The following PRR16 variants were observed in gnomAD, a reference collection of about 807,000 sequenced individuals.
PRR16 encodes the protein proline rich 16, also known as protein Largen.
Under a neutral mutation model 18.2 loss-of-function variants are expected in PRR16, and 6 were observed. That is an observed-to-expected ratio of 0.33 (90% CI 0.18 to 0.65). The LOEUF (loss-of-function observed/expected upper bound fraction) is 0.65. Among genes scored for constraint, PRR16 ranks in the 30% least tolerant of loss-of-function variants. The pLI is 0.74. For synonymous variants in PRR16, 151 were observed against 147.8 expected, an observed-to-expected ratio of 1.02 and a Z score of -0.16; for missense variants, 412 against 376.6, an observed-to-expected ratio of 1.09 and a Z score of -0.78.
At chr5:120,604,192 C>T (rs1402279460) in intron 1 of PRR16, among the ~76,000 whole-genome samples, 1 of 151,712 alleles carries the variant, frequency 6.6e-6, no homozygotes. Flanking sequence ...TTATCTAATT[C>T]TCTGTAGGTC....
At chr5:120,702,133 G>A in the PRR16 span, among the ~76,000 whole-genome samples, 1 of 151,874 alleles carries the variant, frequency 6.6e-6, no homozygotes, top group Non-Finnish European at 1.5e-5. Flanking sequence ...GGGGTTCAGG[G>A]GTTCTTACCT....
intron 1 of PRR16, among the ~76,000 whole-genome samples, chr5:120,541,328 T>C (rs1751907128): frequency 1.3e-5 from 2 of 152,190 alleles, no homozygotes. Flanking sequence ...GTATTTTTAG[T>C]TGAGATGTGG....
the PRR16 span, among the ~76,000 whole-genome samples, chr5:120,702,340 G>A: frequency 1.4e-4 from 22 of 151,954 alleles, no homozygotes; most frequent in East Asian, 7.8e-4. Context: ...GGATTGGGGC[G>A]CAGAGATACG....
chr5:120,497,129 T>G (rs1482188806), intron 1 of PRR16, among the ~76,000 whole-genome samples: 1 of 152,076 alleles, frequency 6.6e-6, no homozygotes, highest in African/African-American at 2.4e-5. Context: ...CAGAATATGG[T>G]CTATTTTTGT....
chr5:120,499,722 C>T (rs139618311), intron 1 of PRR16, among the ~76,000 whole-genome samples: 1 of 151,048 alleles, frequency 6.6e-6, no homozygotes, highest in African/African-American at 2.4e-5. Context: ...TGCTTTAAAA[C>T]CTTTGACACC....
intron 1 of PRR16, among the ~76,000 whole-genome samples, chr5:120,504,887 G>A (rs1750589309): frequency 6.6e-6 from 1 of 152,100 alleles, no homozygotes; most frequent in African/African-American, 2.4e-5. Context: ...AGATCTGTAG[G>A]CAAAGAAATG....
chr5:120,754,732 G>A, the PRR16 span, among the ~76,000 whole-genome samples: 1 of 145,818 alleles, frequency 6.9e-6, no homozygotes, highest in African/African-American at 2.5e-5. Flanking sequence ...GTAAAAAGTT[G>A]TCTTCCTCAG....
At chr5:120,551,942 G>T (rs1752266979) in intron 1 of PRR16, among the ~76,000 whole-genome samples, 2 of 151,898 alleles carry the variant, frequency 1.3e-5, no homozygotes, top group Admixed American at 1.3e-4. Flanking sequence ...AGGATATACA[G>T]AGCATCTCAT....
chr5:120,664,511 G>A (rs931707374), intron 1 of PRR16, among the ~76,000 whole-genome samples: 3 of 151,364 alleles, frequency 2.0e-5, no homozygotes, highest in Non-Finnish European at 4.4e-5. Flanking sequence ...CAATGTGCAG[G>A]TTAGTTACAT....
chr5:120,505,932 G>GTA (rs60625271), intron 1 of PRR16, among the ~76,000 whole-genome samples: 7 of 139,218 alleles, frequency 5.0e-5, no homozygotes, highest in Non-Finnish European at 9.4e-5. Flanking sequence ...ATATATGTGT[G>GTA]TATGTGTGTG....
At chr5:120,701,095 G>A in the PRR16 span, among the ~76,000 whole-genome samples, 2 of 152,198 alleles carry the variant, frequency 1.3e-5, no homozygotes, top group Non-Finnish European at 2.9e-5. Flanking sequence ...ACGCCTGGCC[G>A]CTGCAGTTCA....
At chr5:120,641,650 G>T (rs1755425920) in intron 1 of PRR16, among the ~76,000 whole-genome samples, 1 of 152,012 alleles carries the variant, frequency 6.6e-6, no homozygotes, top group Non-Finnish European at 1.5e-5. Context: ...ACTACCTTGG[G>T]CTTCAATCTG....
At chr5:120,620,956 C>T (rs1248995785) in intron 1 of PRR16, among the ~76,000 whole-genome samples, 2 of 152,090 alleles carry the variant, frequency 1.3e-5, no homozygotes, top group Admixed American at 6.6e-5. Flanking sequence ...AATACCCAGG[C>T]CCATAATTCT....
the PRR16 span, among the ~76,000 whole-genome samples, chr5:120,767,542 G>GGAGAAC: frequency 1.3e-5 from 2 of 151,834 alleles, no homozygotes; most frequent in Non-Finnish European, 2.9e-5. Flanking sequence ...CCAATTTGAA[G>GGAGAAC]AGTCAAAGAT....
At chr5:120,628,674 T>C (rs1345901585) in intron 1 of PRR16, among the ~76,000 whole-genome samples, 4 of 120,280 alleles carry the variant, frequency 3.3e-5, no homozygotes, top group Non-Finnish European at 7.9e-5. Flanking sequence ...TACCTATCTA[T>C]CTATCTATCT....
chr5:120,518,897 T>A (rs938097362), intron 1 of PRR16, among the ~76,000 whole-genome samples: 2 of 152,120 alleles, frequency 1.3e-5, no homozygotes, highest in African/African-American at 2.4e-5. Flanking sequence ...GAGATGGAAA[T>A]CACCTTTTAA....
At chr5:120,632,666 T>C (rs1755096904) in intron 1 of PRR16, among the ~76,000 whole-genome samples, 1 of 152,132 alleles carries the variant, frequency 6.6e-6, no homozygotes, top group African/African-American at 2.4e-5. Flanking sequence ...ATTAACCCAG[T>C]CCATCAAAGA....
chr5:120,667,527 G>A (rs557724290), intron 1 of PRR16, among the ~76,000 whole-genome samples: 77 of 151,322 alleles, frequency 5.1e-4, no homozygotes, highest in Non-Finnish European at 9.3e-4. Flanking sequence ...TGCTTTTCTA[G>A]TTCTTTTAAT....
chr5:120,616,048 A>C (rs1033647101), intron 1 of PRR16, among the ~76,000 whole-genome samples: 1 of 152,168 alleles, frequency 6.6e-6, no homozygotes, highest in African/African-American at 2.4e-5. Context: ...GCCCTTTCTC[A>C]ACCCCCACCC....
Sources: allele counts gnomAD v4.1 joint callset (sites outside exome capture counted in the v4.1 genomes callset), GRCh38; gene constraint gnomAD v4.1.1; transcripts MANE v1.5; gene names NCBI Gene and HGNC (gene_info 2026-07-23, HGNC 2026-07-21).